CD163L1: variants seen among roughly 807,000 people sequenced by gnomAD.
The protein encoded by CD163L1 is CD163 molecule like 1, also known as scavenger receptor cysteine-rich type 1 protein M160.
Under a neutral mutation model 165.4 loss-of-function variants are expected in CD163L1, and 124 were observed. The observed-to-expected ratio is 0.75, with a 90% CI of 0.65 to 0.87. CD163L1 has a LOEUF of 0.87. Ranked by LOEUF, CD163L1 falls within the 40% of genes least tolerant of loss-of-function variation. CD163L1 has a pLI of 0.00. For missense variants in CD163L1, 1,525 were observed against 1,799.9 expected, an observed-to-expected ratio of 0.85 and a Z score of 2.76; for synonymous variants, 585 against 662.2, an observed-to-expected ratio of 0.88 and a Z score of 1.79.
the CD163L1 span, chr12:7,322,546 A>G: frequency 1.2e-6 from 2 of 1,611,084 alleles, no homozygotes; most frequent in Non-Finnish European, 1.7e-6. Flanking sequence ...GAAGTGGTAT[A>G]TCTAAAGGGC....
intron 5 of CD163L1, among the ~76,000 whole-genome samples, chr12:7,405,555 G>A (rs188288245): frequency 3.5e-4 from 54 of 152,208 alleles, no homozygotes; most frequent in African/African-American, 1.1e-3. Context: ...CATAAATCCC[G>A]TGGCTAAGGT....
chr12:7,401,268 C>T (rs1411966748), intron 6 of CD163L1, among the ~76,000 whole-genome samples: 1 of 151,726 alleles, frequency 6.6e-6, no homozygotes, highest in Non-Finnish European at 1.5e-5. Flanking sequence ...CCTGGCACAC[C>T]ATAAATATTC....
chr12:7,344,467 A>G (rs367686686), downstream of CD163L1, among the ~76,000 whole-genome samples: 60 of 152,336 alleles, frequency 3.9e-4, 2 homozygotes, highest in South Asian at 9.1e-3. Context: ...TACAAGGGGT[A>G]GGCTTCCAAG....
intron 4 of CD163L1, among the ~76,000 whole-genome samples, chr12:7,421,121 G>T (rs1948364715): frequency 4.8e-5 from 1 of 21,040 alleles, no homozygotes. Flanking sequence ...GGAAGAAAAT[G>T]TATATATACG....
At chr12:7,415,788 G>A (rs1392242400) in intron 4 of CD163L1, among the ~76,000 whole-genome samples, 1 of 152,172 alleles carries the variant, frequency 6.6e-6, no homozygotes, top group African/African-American at 2.4e-5. Context: ...GTATTCCATG[G>A]TGTATACGTG....
chr12:7,439,297 C>G lies in CD163L1; in HGVS notation c.124+1857G>C. 4 of 1,556,864 alleles carry G rather than the reference C, an allele frequency of 2.6e-6. No homozygotes were observed. The Admixed American group carries it at 5.6e-5, about 22-fold the overall frequency. ...TTTCGTCTTTAAATCTCTTATTTCA[C>G]CCTTTTTAACTTTAATTCCTTTGTT... On this transcript the variant is annotated intron_variant, in intron 2 of 19. Coordinates refer to ENST00000313599, the MANE Select transcript of CD163L1 (RefSeq NM_174941.6).
At chr12:7,341,638 T>C in the CD163L1 span, among the ~76,000 whole-genome samples, 1 of 152,250 alleles carries the variant, frequency 6.6e-6, no homozygotes, top group Non-Finnish European at 1.5e-5. Flanking sequence ...ACCAAGCAAT[T>C]TTCTTGTTGT....
chr12:7,354,775 G>A (rs540947728), downstream of CD163L1, among the ~76,000 whole-genome samples: 12 of 152,094 alleles, frequency 7.9e-5, no homozygotes, highest in Non-Finnish European at 1.8e-4. Context: ...ATAAGGGAAG[G>A]ACAGTGACAG....
chr12:7,390,862 A>G (rs1423133406), intron 8 of CD163L1, among the ~76,000 whole-genome samples: 1 of 152,222 alleles, frequency 6.6e-6, no homozygotes, highest in African/African-American at 2.4e-5. Context: ...GTGGTTGTAT[A>G]TCAAATTTTT....
the CD163L1 span, among the ~76,000 whole-genome samples, chr12:7,332,969 G>A: frequency 3.3e-5 from 5 of 152,070 alleles, no homozygotes; most frequent in African/African-American, 1.2e-4. Flanking sequence ...AAATGCTCCA[G>A]TTAAAAGACA....
intron 4 of CD163L1, among the ~76,000 whole-genome samples, chr12:7,421,468 T>TATATACAC (rs1565810014): frequency 3.2e-5 from 3 of 93,402 alleles, no homozygotes; most frequent in Admixed American, 1.2e-4. Context: ...TATATACATA[T>TATATACAC]ATATACATAT....
At chr12:7,370,201 C>T (rs1947115833) in intron 14 of CD163L1, among the ~76,000 whole-genome samples, 1 of 152,128 alleles carries the variant, frequency 6.6e-6, no homozygotes, top group African/African-American at 2.4e-5. Context: ...CACTAGTGAC[C>T]TCTCGTCACA....
chr12:7,391,808 A>T (rs2136480896), intron 8 of CD163L1, among the ~76,000 whole-genome samples: 1 of 152,322 alleles, frequency 6.6e-6, no homozygotes, highest in African/African-American at 2.4e-5. Context: ...AAACCAACGA[A>T]GATCAAAAGA....
chr12:7,367,313 C>T lies in CD163L1; in HGVS notation c.4202G>A (p.Gly1401Asp). The T allele has an allele frequency of 6.2e-7, 1 of 1,612,630 alleles. No homozygotes were observed. Among genetic ancestry groups the T allele is most frequent in the African/African-American group, 1.3e-5 (1 of 74,968 alleles). Residue 1401 changes from glycine (G) to aspartate (D), a missense_variant, in exon 18 of 20, where the codon GGT (glycine) becomes GAT (aspartate). Coordinates refer to ENST00000313599, the MANE Select transcript of CD163L1 (RefSeq NM_174941.6). Reference sequence around the variant, plus strand: ...ATGGAATAAATTCTCCTCGAGAGAACCCCTCCTTCTGGTTGAAACTGAGAA... The same window carrying T: ...ATGGAATAAATTCTCCTCGAGAGAATCCCTCCTTCTGGTTGAAACTGAGAA... The part of the protein sequence containing the change: ...LPLRVSTRRR[G>D]SLEENLFHEM...
intron 4 of CD163L1, among the ~76,000 whole-genome samples, chr12:7,424,390 G>A (rs1565812919): frequency 6.6e-6 from 1 of 152,020 alleles, no homozygotes; most frequent in Non-Finnish European, 1.5e-5. Context: ...ATACTGAATG[G>A]GCAAAAGCTG....
At chr12:7,443,990 T>C in intron 1 of CD163L1, 107 bp downstream of exon 1, 2 of 1,092,414 alleles carry the variant, frequency 1.8e-6, no homozygotes, top group Non-Finnish European at 2.6e-6. Flanking sequence ...ATGTCCTGTT[T>C]TCTTTTTACC....
chr12:7,320,845 C>A, the CD163L1 span: 2 of 1,495,238 alleles, frequency 1.3e-6, no homozygotes, highest in Non-Finnish European at 1.9e-6. Context: ...CAAACAATAG[C>A]TACCATCCAG....
chr12:7,373,397 G>A lies in CD163L1; in HGVS notation c.3653C>T (p.Ser1218Phe). Residue 1218 changes from serine to phenylalanine, a missense_variant, in exon 14 of 20, where the codon TCC becomes TTC. Transcript: ENST00000313599. ...TGGGGCAGACAGGCACTGCCATATGGAGATATGCGTTTTAGGACACTGAAT... is the reference window on the plus strand; with the variant it reads ...TGGGGCAGACAGGCACTGCCATATGAAGATATGCGTTTTAGGACACTGAAT... ...DDIQCPKTHI[S>F]IWQCLSAPWE... is the part of the protein sequence containing the mutation. 1 of 1,614,188 alleles carries A rather than the reference G, an allele frequency of 6.2e-7. No homozygotes were observed. Among genetic ancestry groups the A allele is most frequent in the Non-Finnish European group, 8.5e-7 (1 of 1,180,020 alleles).
Position 7,357,381 on chromosome 12 carries a change from T to C in CD163L1, c.*23A>G. 1 of 1,601,288 alleles carries C rather than the reference T, an allele frequency of 6.2e-7. No individual in the cohort carries two copies. The highest frequency in any genetic ancestry group is 8.6e-7 in the Non-Finnish European group (1 of 1,168,802). On this transcript the variant is annotated splice_region_variant and 3_prime_UTR_variant, in exon 19 of 20. Coordinates refer to ENST00000313599, the MANE Select transcript of CD163L1 (RefSeq NM_174941.6). Reference sequence around the variant, plus strand: ...TAGGAACAATACTTCTCAACTTACCTGGTGAGCCCTGGAAGTCTAAAGTCA... The same window carrying C: ...TAGGAACAATACTTCTCAACTTACCCGGTGAGCCCTGGAAGTCTAAAGTCA...
Sources: gnomAD v4.1 joint callset for allele counts (sites outside exome capture counted in the v4.1 genomes callset) on GRCh38, gnomAD v4.1.1 for gene constraint, MANE v1.5 for transcripts, NCBI Gene and HGNC (gene_info 2026-07-23, HGNC 2026-07-21) for gene names.